AUTS2: variants seen among roughly 807,000 people sequenced by gnomAD.
AUTS2 encodes activator of transcription and developmental regulator AUTS2.
AUTS2 carries 17 observed loss-of-function variants against 112.4 expected under a neutral mutation model. That is an observed-to-expected ratio of 0.15 (90% CI 0.10 to 0.23). The LOEUF is 0.23. Among genes scored for constraint, AUTS2 ranks in the 10% least tolerant of loss-of-function variants. The pLI is 1.00. For missense variants in AUTS2, 1,510 were observed against 1,701.6 expected (o/e 0.89, Z 1.98); for synonymous variants, 751 against 702.7 (o/e 1.07, Z -1.09).
rs150060623 is a variant in AUTS2, at chr7:70,303,402, A to G, written c.661-132350A>G. The stretch of plus-strand genomic sequence containing the variant: ...TGGATTTGCAGAAATACACATGCAC[A>G]TGTGTGCACGCACACACACACGCGC... On this transcript the variant is annotated intron_variant, in intron 4 of 18. Transcript: ENST00000342771. Among the ~76,000 whole-genome samples the G allele has an allele frequency of 2.2e-3, 332 of 151,644 alleles. 3 individuals carry two copies. Among genetic ancestry groups the G allele is most frequent in the African/African-American group, 7.7e-3 (318 of 41,266 alleles).
chr7:69,883,672 A>G (rs1454390933), intron 1 of AUTS2, among the ~76,000 whole-genome samples: 1 of 152,164 alleles, frequency 6.6e-6, no homozygotes, highest in Non-Finnish European at 1.5e-5. Context: ...TCCAAGGCCC[A>G]GTTTAAACCA....
At chr7:70,644,837 ACT>A (rs1806062872) in intron 5 of AUTS2, among the ~76,000 whole-genome samples, 2 of 151,988 alleles carry the variant, frequency 1.3e-5, no homozygotes, top group Admixed American at 1.3e-4. Flanking sequence ...ACCTGGCCCA[ACT>A]CTGTAGTCCA....
At chr7:69,938,883 G>A (rs756128900) in intron 2 of AUTS2, among the ~76,000 whole-genome samples, 1 of 152,218 alleles carries the variant, frequency 6.6e-6, no homozygotes, top group Non-Finnish European at 1.5e-5. Flanking sequence ...GCTTACAATG[G>A]TGAAGATAAG....
At chr7:70,532,780 G>A (rs1198444934) in intron 5 of AUTS2, among the ~76,000 whole-genome samples, 1 of 152,160 alleles carries the variant, frequency 6.6e-6, no homozygotes, top group Non-Finnish European at 1.5e-5. Context: ...GGAGGTGGAG[G>A]TAAAGGCCTG....
chr7:70,518,217 G>T (rs1414775220), intron 5 of AUTS2, among the ~76,000 whole-genome samples: 1 of 152,154 alleles, frequency 6.6e-6, no homozygotes, highest in Non-Finnish European at 1.5e-5. Flanking sequence ...TTTACAATAT[G>T]TACTTTAATA....
rs139033895 is a variant in AUTS2, at chr7:70,370,458, C to A, written c.661-65294C>A. ...TATGGTCCTTGTGGCTGATTTCTTT[C>A]ACTTATTTTTCACTGGTTTTAAAGG... is the stretch of plus-strand genomic sequence containing the variant. On this transcript the variant is annotated intron_variant, in intron 4 of 18. Transcript: ENST00000342771. Among the ~76,000 whole-genome samples, 478 of 152,280 alleles carry A rather than the reference C, an allele frequency of 3.1e-3. 2 individuals carry two copies. The highest frequency in any genetic ancestry group is 0.01 in the African/African-American group (432 of 41,566).
chr7:69,926,424 AATCT>A (rs1366073410), intron 2 of AUTS2, among the ~76,000 whole-genome samples: 9 of 148,904 alleles, frequency 6.0e-5, no homozygotes, highest in Admixed American at 2.0e-4. Context: ...TTTGCTCTGA[AATCT>A]ATCTGTCTGT....
intron 5 of AUTS2, among the ~76,000 whole-genome samples, chr7:70,497,455 C>T (rs531494218): frequency 1.3e-5 from 2 of 152,314 alleles, no homozygotes; most frequent in South Asian, 2.1e-4. Context: ...GTTTCCCTTA[C>T]GTGTAACCAT....
intron 4 of AUTS2, among the ~76,000 whole-genome samples, chr7:70,377,325 AATATAT>A (rs58244266): frequency 0.052 from 2,685 of 51,878 alleles, 80 homozygotes; most frequent in Non-Finnish European, 0.062. Flanking sequence ...AACAAATATA[AATATAT>A]ATATATATAT....
chr7:70,058,871 G>C (rs1233942300), intron 2 of AUTS2, among the ~76,000 whole-genome samples: 1 of 152,042 alleles, frequency 6.6e-6, no homozygotes, highest in African/African-American at 2.4e-5. Flanking sequence ...TTTTAGAGCA[G>C]TTTTAGGTTT....
intron 1 of AUTS2, among the ~76,000 whole-genome samples, chr7:69,891,881 C>T (rs1291878180): frequency 1.5e-5 from 2 of 130,566 alleles, no homozygotes; most frequent in East Asian, 2.5e-4. Flanking sequence ...GCAACCTTTG[C>T]CCTCTGGGTT....
chr7:70,446,759 T>C (rs1186847750), intron 5 of AUTS2, among the ~76,000 whole-genome samples: 4 of 152,072 alleles, frequency 2.6e-5, no homozygotes, highest in Non-Finnish European at 5.9e-5. Context: ...AGGCAGGCGG[T>C]CTGATGGGGA....
chr7:69,890,976 C>G (rs1236942031), intron 1 of AUTS2, among the ~76,000 whole-genome samples: 2 of 152,158 alleles, frequency 1.3e-5, no homozygotes, highest in Non-Finnish European at 2.9e-5. Flanking sequence ...TTTTAAAAAC[C>G]AGCTTTATGG....
intron 3 of AUTS2, among the ~76,000 whole-genome samples, chr7:70,130,023 G>C (rs907730871): frequency 2.0e-5 from 3 of 152,042 alleles, no homozygotes; most frequent in Non-Finnish European, 4.4e-5. Context: ...CTGTGAATGA[G>C]CTTGTTTTGT....
At chr7:70,015,239 A>C (rs373693532) in intron 2 of AUTS2, among the ~76,000 whole-genome samples, 5 of 152,224 alleles carry the variant, frequency 3.3e-5, no homozygotes, top group African/African-American at 1.2e-4. Flanking sequence ...TGCTTGGATT[A>C]GTATCCACAG....
In AUTS2 at chr7:69,652,560, G is replaced by A. The variant is rs186997916; in HGVS notation, c.309+52598G>A. 3.3e-5 allele frequency among the ~76,000 whole-genome samples: 5 copies of A among 151,804 alleles called. No homozygotes were observed. The South Asian group carries it at 6.3e-4, about 19-fold the overall frequency. On this transcript the variant is annotated intron_variant, in intron 1 of 18. Coordinates refer to ENST00000342771, the MANE Select transcript of AUTS2 (RefSeq NM_015570.4). ...TTTGAGTGTTTATAGTTTTATTATAGGTGCTAGTTGGCTCTTGCCTGTTTC... is the reference window on the plus strand; with the variant it reads ...TTTGAGTGTTTATAGTTTTATTATAAGTGCTAGTTGGCTCTTGCCTGTTTC...
intron 6 of AUTS2, among the ~76,000 whole-genome samples, chr7:70,722,072 T>G (rs150005834): frequency 1.3e-5 from 2 of 152,208 alleles, no homozygotes; most frequent in East Asian, 3.9e-4. Context: ...CAGGATTCAA[T>G]GAAGACCACA....
intron 1 of AUTS2, among the ~76,000 whole-genome samples, chr7:69,888,894 AG>A (rs1479462376): frequency 6.6e-6 from 1 of 152,060 alleles, no homozygotes; most frequent in African/African-American, 2.4e-5. Context: ...TTTCAACATG[AG>A]TTTTGGAGGG....
intron 4 of AUTS2, among the ~76,000 whole-genome samples, chr7:70,361,447 C>G (rs1240172156): frequency 3.3e-5 from 5 of 152,138 alleles, no homozygotes; most frequent in African/African-American, 1.2e-4. Context: ...CCTCAGCCTC[C>G]TTTTCTTTAA....
Sources: gnomAD v4.1 joint callset for allele counts (sites outside exome capture counted in the v4.1 genomes callset) on GRCh38, gnomAD v4.1.1 for gene constraint, MANE v1.5 for transcripts, NCBI Gene and HGNC (gene_info 2026-07-23, HGNC 2026-07-21) for gene names.